TCF4: variants seen among roughly 807,000 people sequenced by gnomAD.
TCF4 encodes transcription factor 4.
Under a neutral mutation model 82.1 loss-of-function variants are expected in TCF4, and 3 were observed. The ratio of observed to expected loss-of-function variants is 0.04; its 90% confidence interval spans 0.02 to 0.09. TCF4 has a LOEUF of 0.09. Among genes scored for constraint, TCF4 ranks in the 10% least tolerant of loss-of-function variants. TCF4 has a pLI of 1.00. For missense variants in TCF4, 518 were observed against 852.7 expected, an observed-to-expected ratio of 0.61 and a Z score of 4.89; for synonymous variants, 276 against 309.6, an observed-to-expected ratio of 0.89 and a Z score of 1.14.
intron 3 of TCF4, among the ~76,000 whole-genome samples, chr18:55,522,366 T>C (rs373951068): frequency 7.9e-5 from 12 of 152,224 alleles, no homozygotes; most frequent in Non-Finnish European, 1.5e-4. Flanking sequence ...CAATAAAATA[T>C]AGGGAAATAT....
chr18:55,383,293 G>C (rs548145740), intron 6 of TCF4, among the ~76,000 whole-genome samples: 2 of 152,268 alleles, frequency 1.3e-5, no homozygotes, highest in African/African-American at 4.8e-5. Flanking sequence ...ATCATCAGAG[G>C]GGAGAACAAT....
intron 5 of TCF4, chr18:55,404,033 G>T: frequency 1.7e-6 from 2 of 1,166,344 alleles, no homozygotes; most frequent in South Asian, 2.6e-5. Context: ...CCCTTTCCCA[G>T]GAGTGAACCC....
chr18:55,370,831 T>C (rs546999440), intron 6 of TCF4, among the ~76,000 whole-genome samples: 4 of 152,054 alleles, frequency 2.6e-5, no homozygotes, highest in East Asian at 3.9e-4. Flanking sequence ...AGTTAGTAAG[T>C]AGGGAAATAA....
intron 6 of TCF4, among the ~76,000 whole-genome samples, chr18:55,399,857 C>CCCCA (rs2093702117): frequency 7.0e-5 from 7 of 99,480 alleles, no homozygotes; most frequent in African/African-American, 3.5e-4. Context: ...CTCCCCATCT[C>CCCCA]TCTCTCTCTC....
intron 6 of TCF4, among the ~76,000 whole-genome samples, chr18:55,365,180 T>C (rs2086575971): frequency 1.5e-5 from 2 of 130,814 alleles, no homozygotes; most frequent in Non-Finnish European, 3.2e-5. Flanking sequence ...TATATATATA[T>C]ATATATATAT....
chr18:55,462,458 T>A (rs2095886588), intron 4 of TCF4, among the ~76,000 whole-genome samples: 1 of 152,188 alleles, frequency 6.6e-6, no homozygotes, highest in Non-Finnish European at 1.5e-5. Flanking sequence ...TGGGTATAAA[T>A]CTGCCACAAA....
intron 5 of TCF4, among the ~76,000 whole-genome samples, chr18:55,415,573 G>A (rs956278412): frequency 6.6e-6 from 1 of 152,162 alleles, no homozygotes; most frequent in African/African-American, 2.4e-5. Flanking sequence ...ACAGTCAGCC[G>A]ATGAGTGGCA....
At chr18:55,256,572 G>C (rs959510497) in intron 14 of TCF4, among the ~76,000 whole-genome samples, 1 of 152,120 alleles carries the variant, frequency 6.6e-6, no homozygotes, top group Admixed American at 6.6e-5. Flanking sequence ...CACTAAAGCA[G>C]ATAGATAAAT....
intron 5 of TCF4, among the ~76,000 whole-genome samples, chr18:55,446,066 T>G (rs1206339328): frequency 7.2e-5 from 11 of 152,168 alleles, no homozygotes; most frequent in Non-Finnish European, 1.6e-4. Context: ...ATTCTGGTAA[T>G]GTTTTTCCCC....
chr18:55,524,134 T>C (rs1448559662), intron 3 of TCF4, among the ~76,000 whole-genome samples: 2 of 152,144 alleles, frequency 1.3e-5, no homozygotes, highest in Non-Finnish European at 2.9e-5. Context: ...TTTCCTGATA[T>C]CGGATTGAGT....
intron 4 of TCF4, among the ~76,000 whole-genome samples, chr18:55,462,939 C>A (rs1180008213): frequency 6.6e-6 from 1 of 152,170 alleles, no homozygotes; most frequent in Non-Finnish European, 1.5e-5. Context: ...ATGCCAAGGA[C>A]AGGTGGAAAT....
intron 12 of TCF4, 54 bp from the exon 13 acceptor site, chr18:55,260,081 A>G: frequency 7.5e-7 from 1 of 1,330,290 alleles, no homozygotes; most frequent in African/African-American, 1.4e-5. Flanking sequence ...AATAATTCAC[A>G]CTTTTCTAAA....
At chr18:55,494,515 C>T (rs1024085351) in intron 3 of TCF4, among the ~76,000 whole-genome samples, 1 of 152,086 alleles carries the variant, frequency 6.6e-6, no homozygotes, top group Admixed American at 6.6e-5. Flanking sequence ...GGTTGCCTCA[C>T]TCTACTTAGC....
intron 3 of TCF4, among the ~76,000 whole-genome samples, chr18:55,486,738 G>A (rs1276344264): frequency 2.6e-5 from 4 of 152,134 alleles, no homozygotes; most frequent in Non-Finnish European, 4.4e-5. Flanking sequence ...AACTCAAGAC[G>A]CATGGAAAAA....
intron 6 of TCF4, among the ~76,000 whole-genome samples, chr18:55,387,619 G>T (rs2092709079): frequency 6.6e-6 from 1 of 152,206 alleles, no homozygotes; most frequent in African/African-American, 2.4e-5. Context: ...ATAAGCACTT[G>T]TGTTGGCTGG....
At chr18:55,236,507 C>T (rs1282253598) in intron 15 of TCF4, among the ~76,000 whole-genome samples, 1 of 151,892 alleles carries the variant, frequency 6.6e-6, no homozygotes, top group Non-Finnish European at 1.5e-5. Context: ...CCACTCCTTT[C>T]CTCTGTGACT....
chr18:55,402,296 G>A (rs184536834), intron 6 of TCF4: 17 of 895,762 alleles, frequency 1.9e-5, no homozygotes, highest in African/African-American at 9.0e-5. Flanking sequence ...ACCAGAAGTC[G>A]TACCTTCCTA....
At chr18:55,483,961 G>A (rs2096480796) in intron 3 of TCF4, among the ~76,000 whole-genome samples, 1 of 152,246 alleles carries the variant, frequency 6.6e-6, no homozygotes, top group South Asian at 2.1e-4. Context: ...AAGCACTTTC[G>A]TGCACAGTAT....
In TCF4 at chr18:55,257,320, A is replaced by G. The variant is rs1455096367; in HGVS notation, c.1141T>C (p.Ser381Pro). 1 of 1,613,522 alleles carries G rather than the reference A, an allele frequency of 6.2e-7. No homozygotes were observed. Among genetic ancestry groups the G allele is most frequent in the Non-Finnish European group, 8.5e-7 (1 of 1,179,658 alleles). The change falls in exon 14 of 20, where the codon TCT becomes CCT. Residue 381 changes from serine to proline, a missense_variant. By Grantham distance (74) the Ser-to-Pro change is moderately conservative. Around this residue, in one of 7 missense-constraint regions of TCF4, gnomAD observed 211 missense variants for 327.4 expected, o/e 0.64. Coordinates refer to ENST00000354452, the MANE Select transcript of TCF4 (RefSeq NM_001083962.2). ...SSPNYEGPLH[S>P]LQSRIEDRLE... ...GATTAGCAAATGAGACATACCAAAG[A>G]GTGTAAGGGTCCTTCATAATTAGGA... is the stretch of plus-strand genomic sequence containing the variant.
Sources: allele counts gnomAD v4.1 joint callset (sites outside exome capture counted in the v4.1 genomes callset), GRCh38; gene constraint gnomAD v4.1.1; regional missense constraint gnomAD v4.1.1; transcripts MANE v1.5; gene names NCBI Gene and HGNC (gene_info 2026-07-23, HGNC 2026-07-21).